The following ABAT variants were observed in gnomAD, a reference collection of about 807,000 sequenced individuals.
ABAT encodes 4-aminobutyrate aminotransferase, also known as 4-aminobutyrate aminotransferase, mitochondrial.
A neutral mutation model predicts 64.6 loss-of-function variants in ABAT; 45 were observed. The ratio of observed to expected loss-of-function variants is 0.70; its 90% CI spans 0.55 to 0.89. ABAT has a LOEUF of 0.89. ABAT is among the 40% of genes least tolerant of loss of function. ABAT has a pLI of 0.00. For missense variants in ABAT, 633 were observed against 658.4 expected (o/e 0.96, Z 0.42); for synonymous variants, 297 against 250.5 (o/e 1.19, Z -1.75).
At chr16:8,679,660 T>A (rs1251291984) in intron 1 of ABAT, among the ~76,000 whole-genome samples, 1 of 151,950 alleles carries the variant, frequency 6.6e-6, no homozygotes, top group African/African-American at 2.4e-5. Context: ...AGCCCTGGTC[T>A]CTCCTGCCTT....
chr16:8,743,344 G>GTC (rs1386576098), intron 2 of ABAT, among the ~76,000 whole-genome samples: 51 of 145,634 alleles, frequency 3.5e-4, no homozygotes, highest in African/African-American at 1.2e-3. Context: ...GTGTGTGTGT[G>GTC]TGTGTGTGTC....
chr16:8,684,652 G>A (rs540039734), intron 1 of ABAT, among the ~76,000 whole-genome samples: 4 of 151,256 alleles, frequency 2.6e-5, no homozygotes, highest in East Asian at 3.9e-4. Context: ...CAAGGAGGCC[G>A]AGCCAGGCTG....
chr16:8,769,054 C>A, intron 11 of ABAT, 81 bp downstream of exon 11: 3 of 1,589,058 alleles, frequency 1.9e-6, no homozygotes, highest in Non-Finnish European at 2.6e-6. Context: ...AGAAGAGAAA[C>A]AGATGAAGGG....
In ABAT at chr16:8,692,816, G is replaced by A. The variant is rs184949065; in HGVS notation, c.-42+18105G>A. On this transcript the variant is annotated intron_variant, in intron 1 of 15. Coordinates refer to ENST00000268251, the MANE Select transcript of ABAT (RefSeq NM_020686.6). ...GAACACTTCCCCTACTACATTTAAGGAGAACTTTGCTTGGCTCAGACCTTT... is the reference window on the plus strand; with the variant it reads ...GAACACTTCCCCTACTACATTTAAGAAGAACTTTGCTTGGCTCAGACCTTT... 4.7e-4 allele frequency among the ~76,000 whole-genome samples: 71 copies of A among 152,296 alleles called. 1 individual carries two copies. The highest frequency in any genetic ancestry group is 1.7e-3 in the Admixed American group (26 of 15,278).
intron 5 of ABAT, among the ~76,000 whole-genome samples, chr16:8,753,378 A>G (rs2059549337): frequency 6.6e-6 from 1 of 152,066 alleles, no homozygotes; most frequent in Non-Finnish European, 1.5e-5. Context: ...TACAGGCGTG[A>G]GCCACCGCGC....
intron 6 of ABAT, among the ~76,000 whole-genome samples, chr16:8,758,712 C>T (rs2059712153): frequency 6.6e-6 from 1 of 152,122 alleles, no homozygotes; most frequent in African/African-American, 2.4e-5. Flanking sequence ...CCAGATGTCC[C>T]CTGGTGGATA....
chr16:8,687,392 GGC>G lies in ABAT; in HGVS notation c.-42+12684_-42+12685del, dbSNP rs560327529. On this transcript the variant is annotated intron_variant, in intron 1 of 15. Transcript: ENST00000268251. ...ACAAAAAAAATTAGCTGGGTGTTGT[GGC>G]GCATGCCTGTAATCCCAGCCACACG... is the stretch of plus-strand genomic sequence containing the variant. Among the ~76,000 whole-genome samples, 195 of 152,300 alleles carry G rather than the reference GGC, an allele frequency of 1.3e-3. 3 individuals are homozygous for G. The highest frequency in any genetic ancestry group is 0.01 in the Admixed American group (155 of 15,288).
Position 8,782,744 on chromosome 16 carries a change from G to C in ABAT, c.*1314G>C, listed in dbSNP as rs2060468874. 1 of 152,262 alleles carries C rather than the reference G, an allele frequency of 6.6e-6. No individual in the cohort carries two copies. The highest frequency in any genetic ancestry group is 2.1e-4 in the South Asian group (1 of 4,832). The allele number at this position is 152,262 out of a possible 1,614,324, so 9.4% of individuals were successfully genotyped here. On this transcript the variant is annotated 3_prime_UTR_variant, in exon 16 of 16. Coordinates refer to ENST00000268251, the MANE Select transcript of ABAT (RefSeq NM_020686.6). Reference sequence around the variant, plus strand: ...CTCGAATGCTCCTAAAAGAGAACTTGATAGCCTGACAGCAGAGAAGTATTA... The same window carrying C: ...CTCGAATGCTCCTAAAAGAGAACTTCATAGCCTGACAGCAGAGAAGTATTA...
chr16:8,695,085 G>C (rs906594331), intron 1 of ABAT, among the ~76,000 whole-genome samples: 1 of 152,228 alleles, frequency 6.6e-6, no homozygotes, highest in African/African-American at 2.4e-5. Context: ...ATTTGACCTT[G>C]TCTGATCAGT....
At chr16:8,696,965 A>G (rs1214504872) in intron 1 of ABAT, among the ~76,000 whole-genome samples, 2 of 152,168 alleles carry the variant, frequency 1.3e-5, no homozygotes, top group African/African-American at 4.8e-5. Flanking sequence ...TCAGCATGTA[A>G]CTTACATTGC....
chr16:8,747,236 G>C (rs1022528047), intron 3 of ABAT, among the ~76,000 whole-genome samples: 2 of 152,140 alleles, frequency 1.3e-5, no homozygotes, highest in African/African-American at 4.8e-5. Context: ...ATGGCACAGG[G>C]CTCAGAGATC....
intron 1 of ABAT, among the ~76,000 whole-genome samples, chr16:8,719,287 A>G (rs941818092): frequency 6.6e-6 from 1 of 152,148 alleles, no homozygotes; most frequent in African/African-American, 2.4e-5. Flanking sequence ...CATCCTTTCT[A>G]AGCCAATTCC....
chr16:8,764,874 AGCACCCAGC>A lies in ABAT; in HGVS notation c.540+45_540+53del. 1 of 1,514,918 alleles carries A rather than the reference AGCACCCAGC, an allele frequency of 6.6e-7. No homozygotes were observed. The highest frequency in any genetic ancestry group is 9.2e-7 in the Non-Finnish European group (1 of 1,091,420). The allele number at this position is 1,514,918 out of a possible 1,614,324, so 93.8% of individuals were successfully genotyped here. ...ACACACACACACACACAGGCTCCCCAGCACCCAGCCACACGCTCACCCCTTGTCTGACTG... is the reference window on the plus strand; with the variant it reads ...ACACACACACACACACAGGCTCCCCACACACGCTCACCCCTTGTCTGACTG... On this transcript the variant is annotated intron_variant, in intron 8 of 15. Transcript: ENST00000268251. The surrounding 1 kb of genome is among the most constrained non-coding windows in gnomAD (Gnocchi z 4.2).
intron 1 of ABAT, 45 bp downstream of exon 1, chr16:8,674,756 G>C (rs905327166): frequency 1.0e-4 from 16 of 152,442 alleles, no homozygotes; most frequent in African/African-American, 3.6e-4. Context: ...CCTTCCGAGG[G>C]GAGCCGAGAG....
intron 1 of ABAT, among the ~76,000 whole-genome samples, chr16:8,707,887 G>A (rs549495768): frequency 1.8e-3 from 278 of 152,192 alleles, no homozygotes; most frequent in African/African-American, 6.6e-3. Flanking sequence ...AGGGATATTG[G>A]CAACCCCAGG....
intron 5 of ABAT, among the ~76,000 whole-genome samples, chr16:8,753,058 G>A (rs1596456352): frequency 6.6e-6 from 1 of 150,478 alleles, no homozygotes; most frequent in African/African-American, 2.4e-5. Context: ...AAGCCAGGCT[G>A]TGCACAAACA....
At chr16:8,728,534 T>C (rs995543884) in intron 1 of ABAT, among the ~76,000 whole-genome samples, 1 of 148,798 alleles carries the variant, frequency 6.7e-6, no homozygotes, top group Non-Finnish European at 1.5e-5. Flanking sequence ...AGGCTTGCAT[T>C]GAGTCGGATA....
Position 8,764,869 on chromosome 16 carries a change from T to C in ABAT, c.540+39T>C. 1 of 1,406,258 alleles carries C rather than the reference T, an allele frequency of 7.1e-7. No individual in the cohort carries two copies. Among genetic ancestry groups the C allele is most frequent in the Non-Finnish European group, 1.0e-6 (1 of 996,798 alleles). The allele number at this position is 1,406,258 out of a possible 1,614,324, so 87.1% of individuals were successfully genotyped here. On this transcript the variant is annotated intron_variant, in intron 8 of 15. Transcript: ENST00000268251. This position sits in a 1 kb window ranked among gnomAD's most constrained non-coding sequence, Gnocchi z 4.2. ...CACACACACACACACACACACAGGCTCCCCAGCACCCAGCCACACGCTCAC... is the reference window on the plus strand; with the variant it reads ...CACACACACACACACACACACAGGCCCCCCAGCACCCAGCCACACGCTCAC...
chr16:8,707,385 T>A (rs1367487158), intron 1 of ABAT, among the ~76,000 whole-genome samples: 1 of 132,546 alleles, frequency 7.5e-6, no homozygotes, highest in African/African-American at 2.9e-5. Flanking sequence ...GAGACAGGGT[T>A]TCACTATGTT....
Sources: gnomAD v4.1 joint callset for allele counts (sites outside exome capture counted in the v4.1 genomes callset) on GRCh38, gnomAD v4.1.1 for gene constraint, Gnocchi (gnomAD v3.1) non-coding constraint, MANE v1.5 for transcripts, NCBI Gene and HGNC (gene_info 2026-07-23, HGNC 2026-07-21) for gene names.